UGGT2: variants seen among roughly 807,000 people sequenced by gnomAD.
UGGT2 encodes UDP-glucose:glycoprotein glucosyltransferase 2.
UGGT2 carries 180 observed loss-of-function variants against 192.1 expected under a neutral mutation model. That is an observed-to-expected ratio of 0.94 (90% CI 0.83 to 1.06). The LOEUF is 1.06. UGGT2 is among the 50% of genes least tolerant of loss of function. The pLI is 0.00. For synonymous variants in UGGT2, 580 were observed against 591.0 expected, an observed-to-expected ratio of 0.98 and a Z score of 0.27; for missense variants, 1,849 against 1,795.7, an observed-to-expected ratio of 1.03 and a Z score of -0.54.
intron 36 of UGGT2, among the ~76,000 whole-genome samples, chr13:95,840,848 A>G (rs768961063): frequency 6.6e-6 from 1 of 152,208 alleles, no homozygotes; most frequent in Non-Finnish European, 1.5e-5. Context: ...TGGCAGACAT[A>G]TACCATGGAA....
chr13:95,832,682 CTAA>C lies in UGGT2; in HGVS notation c.4528+242_4528+244del, dbSNP rs1248331170. On this transcript the variant is annotated intron_variant, in intron 38 of 38. Coordinates refer to ENST00000376747, the MANE Select transcript of UGGT2 (RefSeq NM_020121.4). ...TTCACCTCTATGTTGTGTCAGGAGA[CTAA>C]TGTTACACTATCTATCCATATAGAG... 6.9e-6 allele frequency: 4 copies of C among 580,368 alleles called. 1 individual carries two copies. The highest frequency in any genetic ancestry group is 4.3e-5 in the East Asian group (1 of 23,528). The allele number at this position is 580,368 out of a possible 1,614,324, so 36.0% of individuals were successfully genotyped here.
chr13:95,869,892 CTGTG>C (rs1351853416), intron 29 of UGGT2, among the ~76,000 whole-genome samples: 15 of 152,214 alleles, frequency 9.9e-5, no homozygotes, highest in Admixed American at 9.2e-4. Flanking sequence ...AAAGAATTCA[CTGTG>C]TGTCAGAAAG....
chr13:96,024,737 A>G (rs1306685355), intron 2 of UGGT2, among the ~76,000 whole-genome samples: 3 of 152,214 alleles, frequency 2.0e-5, no homozygotes, highest in Non-Finnish European at 4.4e-5. Flanking sequence ...ACAAAAGAAC[A>G]GAGTTGAGGT....
At chr13:96,043,768 A>C (rs1414793810) in intron 1 of UGGT2, among the ~76,000 whole-genome samples, 2 of 152,174 alleles carry the variant, frequency 1.3e-5, no homozygotes, top group Non-Finnish European at 2.9e-5. Context: ...AAAAAAGACA[A>C]AGAGGGACAT....
intron 6 of UGGT2, among the ~76,000 whole-genome samples, chr13:95,997,684 G>A (rs1235437881): frequency 3.3e-5 from 5 of 152,116 alleles, no homozygotes; most frequent in Non-Finnish European, 5.9e-5. Flanking sequence ...TAGAAGAAAT[G>A]AAAGAAGTGA....
At chr13:95,906,827 T>C (rs1024239160) in intron 20 of UGGT2, among the ~76,000 whole-genome samples, 1 of 152,208 alleles carries the variant, frequency 6.6e-6, no homozygotes, top group African/African-American at 2.4e-5. Context: ...GATGGCCGAA[T>C]AGGAACAGCT....
At chr13:95,946,081 C>A (rs1036245251) in intron 15 of UGGT2, among the ~76,000 whole-genome samples, 1 of 152,092 alleles carries the variant, frequency 6.6e-6, no homozygotes, top group African/African-American at 2.4e-5. Flanking sequence ...TAAGCTATGA[C>A]TTGACTTTTC....
intron 12 of UGGT2, 95 bp downstream of exon 12, chr13:95,970,017 G>T: frequency 1.6e-6 from 2 of 1,289,296 alleles, no homozygotes; most frequent in Non-Finnish European, 2.2e-6. Flanking sequence ...GTTCCAAAAT[G>T]CTGACATTTA....
Position 96,049,994 on chromosome 13 carries a change from G to A in UGGT2, c.158+3161C>T, listed in dbSNP as rs188680458. On this transcript the variant is annotated intron_variant, in intron 1 of 38. Transcript: ENST00000376747. Reference sequence around the variant, plus strand: ...GAAAAAACTACTTTAAAGTTCATATGGATACAAAAGAGAGCTCGCATTGCC... The same window carrying A: ...GAAAAAACTACTTTAAAGTTCATATAGATACAAAAGAGAGCTCGCATTGCC... Among the ~76,000 whole-genome samples the A allele has an allele frequency of 1.9e-3, 288 of 152,204 alleles. 1 individual carries two copies. Among genetic ancestry groups the A allele is most frequent in the African/African-American group, 6.8e-3 (282 of 41,512 alleles).
intron 1 of UGGT2, among the ~76,000 whole-genome samples, chr13:96,044,563 G>A (rs2053253629): frequency 6.6e-6 from 1 of 152,016 alleles, no homozygotes; most frequent in Non-Finnish European, 1.5e-5. Flanking sequence ...GAAACAAAAA[G>A]CTAGTTCTTT....
chr13:95,986,690 TATGAA>T (rs1444519287), intron 8 of UGGT2, among the ~76,000 whole-genome samples: 4 of 152,104 alleles, frequency 2.6e-5, no homozygotes, highest in Non-Finnish European at 1.5e-5. Flanking sequence ...GAGAGAGATA[TATGAA>T]AAGAAATGCT....
Position 95,972,566 on chromosome 13 carries a change from A to G in UGGT2, c.1184+14T>C, listed in dbSNP as rs374355492. The G allele has an allele frequency of 7.6e-6, 12 of 1,583,696 alleles. No individual in the cohort carries two copies. In the African/African-American group the frequency reaches 1.5e-4, roughly 20 times the overall value. On this transcript the variant is annotated intron_variant, in intron 11 of 38. Transcript: ENST00000376747. Reference sequence around the variant, plus strand: ...TAAACCATAGTTCATTTACAGCAATAATTTAATACTTACCTAAAAGCGTCA... The same window carrying G: ...TAAACCATAGTTCATTTACAGCAATGATTTAATACTTACCTAAAAGCGTCA...
chr13:96,052,787 GTCA>G (rs1388808648), intron 1 of UGGT2, among the ~76,000 whole-genome samples: 1 of 152,212 alleles, frequency 6.6e-6, no homozygotes, highest in Non-Finnish European at 1.5e-5. Flanking sequence ...ATGGTATGAT[GTCA>G]TCATTACGAA....
chr13:96,031,947 ATTAC>A lies in UGGT2; in HGVS notation c.179_182del (p.Ser60MetfsTer14), dbSNP rs746238164. The stretch of plus-strand genomic sequence containing the variant: ...TTTCCAAAAACTGCCAAAATTTTTC[ATTAC>A]TTTCTTCTGCCATAAATTCACTATT... On this transcript the variant is annotated frameshift_variant, in exon 2 of 39. Coordinates refer to ENST00000376747, the MANE Select transcript of UGGT2 (RefSeq NM_020121.4). LOFTEE classifies it high-confidence loss of function. 36 of 1,610,934 alleles carry A rather than the reference ATTAC, an allele frequency of 2.2e-5. No homozygotes were observed. The highest frequency in any genetic ancestry group is 3.0e-5 in the Non-Finnish European group (35 of 1,178,652).
chr13:95,946,970 G>T (rs1043740181), intron 15 of UGGT2, 67 bp downstream of exon 15: 36 of 1,401,940 alleles, frequency 2.6e-5, no homozygotes, highest in Non-Finnish European at 3.1e-5. Context: ...ACATTCTAAA[G>T]AAATCATAAT....
At chr13:96,011,356 C>A (rs564378189) in intron 5 of UGGT2, among the ~76,000 whole-genome samples, 1 of 152,022 alleles carries the variant, frequency 6.6e-6, no homozygotes, top group East Asian at 1.9e-4. Context: ...TGATTTATAT[C>A]TAGGACATAA....
chr13:95,952,475 T>C (rs1369916045), intron 12 of UGGT2, among the ~76,000 whole-genome samples: 1 of 152,244 alleles, frequency 6.6e-6, no homozygotes, highest in Non-Finnish European at 1.5e-5. Context: ...AAATCATCTC[T>C]AGATTACACG....
chr13:96,030,606 C>G (rs2052803762), intron 2 of UGGT2, among the ~76,000 whole-genome samples: 1 of 152,156 alleles, frequency 6.6e-6, no homozygotes, highest in Admixed American at 6.6e-5. Context: ...TTTAAAACAT[C>G]TGAAACTTAG....
At chr13:95,974,309 G>A (rs2050869740) in intron 10 of UGGT2, among the ~76,000 whole-genome samples, 2 of 152,306 alleles carry the variant, frequency 1.3e-5, no homozygotes, top group African/African-American at 4.8e-5. Flanking sequence ...CAGATGCCTA[G>A]TGAATTTATA....
Sources: allele counts gnomAD v4.1 joint callset (sites outside exome capture counted in the v4.1 genomes callset), GRCh38; gene constraint gnomAD v4.1.1; transcripts MANE v1.5; gene names NCBI Gene and HGNC (gene_info 2026-07-23, HGNC 2026-07-21).